Variants in STK32B observed in about 807,000 individuals in gnomAD.
STK32B encodes the protein serine/threonine-protein kinase 32B.
Under a neutral mutation model 52.6 loss-of-function variants are expected in STK32B, and 43 were observed. The ratio of observed to expected loss-of-function variants is 0.82; its 90% CI spans 0.64 to 1.05. STK32B has a LOEUF of 1.05. Among genes scored for constraint, STK32B ranks in the 50% least tolerant of loss-of-function variants. The pLI is 0.00. For synonymous variants in STK32B, 238 were observed against 204.3 expected (o/e 1.17, Z -1.41); for missense variants, 621 against 534.6 (o/e 1.16, Z -1.59).
intron 3 of STK32B, among the ~76,000 whole-genome samples, chr4:5,187,820 T>A (rs959446323): frequency 3.3e-5 from 5 of 152,174 alleles, no homozygotes; most frequent in African/African-American, 4.8e-5. Flanking sequence ...CCTATGCTCT[T>A]TCTAAAGCCA....
chr4:5,187,295 G>C (rs554525791), intron 3 of STK32B, among the ~76,000 whole-genome samples: 1 of 152,164 alleles, frequency 6.6e-6, no homozygotes, highest in Non-Finnish European at 1.5e-5. Context: ...TTCTGAACCA[G>C]GACTCTCTTG....
At chr4:5,298,768 C>T (rs917183076) in intron 3 of STK32B, among the ~76,000 whole-genome samples, 13 of 151,826 alleles carry the variant, frequency 8.6e-5, no homozygotes, top group South Asian at 4.2e-4. Context: ...TTGGCTCCCT[C>T]GCTTCAGTCC....
intron 3 of STK32B, among the ~76,000 whole-genome samples, chr4:5,185,314 C>T (rs771335927): frequency 1.3e-5 from 2 of 151,998 alleles, no homozygotes; most frequent in East Asian, 1.9e-4. Flanking sequence ...GAACAGATGT[C>T]AGAAGTTAGT....
Position 5,499,262 on chromosome 4 carries a change from T to G in STK32B, c.*179T>G. 3.1e-5 allele frequency: 24 copies of G among 766,224 alleles called. No homozygotes were observed. The highest frequency in any genetic ancestry group is 4.1e-5 in the Non-Finnish European group (22 of 530,914). 47.5% of individuals were successfully genotyped at this position (766,224 alleles called of 1,614,324 possible). A position where few individuals can be genotyped will look rare whatever the true frequency, so the allele number is the denominator to read the frequency against. ...CCCATCTCCATGACTGATTCACGTG[T>G]GACCTCAGACAAGTCACGCCCTCTC... On this transcript the variant is annotated 3_prime_UTR_variant, in exon 12 of 12. Transcript: ENST00000282908.
chr4:5,136,515 G>T (rs910508020), intron 1 of STK32B, among the ~76,000 whole-genome samples: 3 of 152,166 alleles, frequency 2.0e-5, no homozygotes, highest in African/African-American at 7.2e-5. Context: ...GAAACCAAGG[G>T]TGCCAAACTG....
At chr4:5,217,080 T>C (rs1036649878) in intron 3 of STK32B, among the ~76,000 whole-genome samples, 4 of 152,176 alleles carry the variant, frequency 2.6e-5, no homozygotes, top group South Asian at 2.1e-4. Flanking sequence ...ACCGAACTTA[T>C]GTGGTAGCAT....
At chr4:5,103,650 C>A (rs1197206239) in intron 1 of STK32B, among the ~76,000 whole-genome samples, 1 of 152,052 alleles carries the variant, frequency 6.6e-6, no homozygotes, top group African/African-American at 2.4e-5. Context: ...CGGTAGAATT[C>A]CTGGGCCACG....
chr4:5,244,825 T>G (rs199854089), intron 3 of STK32B, among the ~76,000 whole-genome samples: 9 of 152,352 alleles, frequency 5.9e-5, no homozygotes, highest in African/African-American at 2.2e-4. Flanking sequence ...TGCCTTCATT[T>G]CATTATGTAC....
intron 9 of STK32B, among the ~76,000 whole-genome samples, chr4:5,465,510 T>C (rs1347603187): frequency 6.6e-6 from 1 of 152,082 alleles, no homozygotes; most frequent in East Asian, 1.9e-4. Context: ...TAAATTGGGT[T>C]CAAGGCCAGG....
At chr4:5,276,661 G>A (rs899022795) in intron 3 of STK32B, among the ~76,000 whole-genome samples, 12 of 151,962 alleles carry the variant, frequency 7.9e-5, no homozygotes, top group East Asian at 3.9e-4. Flanking sequence ...AAGGCGTCAC[G>A]TGTTACGAAC....
Position 5,469,413 on chromosome 4 carries a change from C to G in STK32B, c.1106+1343C>G, listed in dbSNP as rs998423585. ...AAGTTCTCTAGGTGGCGTGCTGGGC[C>G]AAGTCCTAAGGGACATGTAGGGGAA... On this transcript the variant is annotated intron_variant, in intron 11 of 11. Transcript: ENST00000282908. The surrounding 1 kb of genome is among the most constrained non-coding windows in gnomAD (Gnocchi z 4.7). Among the ~76,000 whole-genome samples the G allele has an allele frequency of 6.6e-6, 1 of 152,160 alleles. No individual in the cohort carries two copies. Among genetic ancestry groups the G allele is most frequent in the Non-Finnish European group, 1.5e-5 (1 of 68,028 alleles).
chr4:5,295,375 A>G (rs1183610130), intron 3 of STK32B, among the ~76,000 whole-genome samples: 1 of 151,798 alleles, frequency 6.6e-6, no homozygotes, highest in Non-Finnish European at 1.5e-5. Flanking sequence ...TACCTCTGGT[A>G]TAATTTGGCT....
chr4:5,113,722 G>T (rs549474312), intron 1 of STK32B, among the ~76,000 whole-genome samples: 1 of 152,052 alleles, frequency 6.6e-6, no homozygotes, highest in Non-Finnish European at 1.5e-5. Context: ...GTCTGCTTCC[G>T]CCTACCTGTA....
At chr4:5,422,031 T>C (rs1300476642) in intron 6 of STK32B, among the ~76,000 whole-genome samples, 3 of 152,202 alleles carry the variant, frequency 2.0e-5, no homozygotes, top group Non-Finnish European at 4.4e-5. Flanking sequence ...AGCCAAGAAA[T>C]AAGTTCATTG....
chr4:5,261,391 C>G (rs1340495289), intron 3 of STK32B, among the ~76,000 whole-genome samples: 3 of 152,158 alleles, frequency 2.0e-5, no homozygotes, highest in African/African-American at 7.2e-5. Flanking sequence ...GCTATTGTGT[C>G]AGTCTAGGTG....
intron 4 of STK32B, among the ~76,000 whole-genome samples, chr4:5,365,135 C>G (rs534858949): frequency 2.3e-4 from 35 of 152,282 alleles, no homozygotes; most frequent in Admixed American, 9.2e-4. Flanking sequence ...CTCGGCCCCC[C>G]CAAAGTGCTG....
intron 5 of STK32B, among the ~76,000 whole-genome samples, chr4:5,403,434 C>G (rs540695145): frequency 6.6e-6 from 1 of 152,176 alleles, no homozygotes; most frequent in Non-Finnish European, 1.5e-5. Flanking sequence ...TTCCCCACTC[C>G]CCATCCTCCT....
intron 6 of STK32B, among the ~76,000 whole-genome samples, chr4:5,441,829 A>C (rs1714797353): frequency 7.4e-6 from 1 of 135,630 alleles, no homozygotes; most frequent in Non-Finnish European, 1.6e-5. Flanking sequence ...GTTTCAAAGA[A>C]CATCTTTATT....
intron 4 of STK32B, among the ~76,000 whole-genome samples, chr4:5,390,734 C>T (rs1736544802): frequency 6.6e-6 from 1 of 152,102 alleles, no homozygotes; most frequent in Non-Finnish European, 1.5e-5. Context: ...CTTTAATCAA[C>T]AGAAGTGTAT....
Sources: gnomAD v4.1 joint callset for allele counts (sites outside exome capture counted in the v4.1 genomes callset) on GRCh38, gnomAD v4.1.1 for gene constraint, Gnocchi (gnomAD v3.1) non-coding constraint, MANE v1.5 for transcripts, NCBI Gene and HGNC (gene_info 2026-07-23, HGNC 2026-07-21) for gene names.